The following PAPSS1 variants were observed in gnomAD, a reference collection of about 807,000 sequenced individuals.
The protein encoded by PAPSS1 is bifunctional 3'-phosphoadenosine 5'-phosphosulfate synthase 1.
Under a neutral mutation model 72.0 loss-of-function variants are expected in PAPSS1, and 50 were observed. The observed-to-expected ratio is 0.69, with a 90% CI of 0.55 to 0.88. PAPSS1 has a LOEUF of 0.88. Ranked by LOEUF, PAPSS1 falls within the 40% of genes least tolerant of loss-of-function variation. The pLI, the probability that PAPSS1 is intolerant of heterozygous loss-of-function variation, is 0.00. For synonymous variants in PAPSS1, 261 were observed against 263.6 expected, an observed-to-expected ratio of 0.99 and a Z score of 0.09; for missense variants, 657 against 782.2, an observed-to-expected ratio of 0.84 and a Z score of 1.91.
chr4:107,619,175 A>G (rs1289328820), intron 11 of PAPSS1, among the ~76,000 whole-genome samples: 2 of 152,226 alleles, frequency 1.3e-5, no homozygotes, highest in Non-Finnish European at 2.9e-5. Context: ...AAAAAGCCAG[A>G]CCAATTAAAG....
chr4:107,670,204 T>G (rs993689626), intron 5 of PAPSS1, among the ~76,000 whole-genome samples: 6 of 152,204 alleles, frequency 3.9e-5, no homozygotes, highest in Non-Finnish European at 8.8e-5. Context: ...CAGCAAATGT[T>G]AATTTCTTAT....
chr4:107,626,651 T>A (rs182453020), intron 11 of PAPSS1, among the ~76,000 whole-genome samples: 1 of 152,228 alleles, frequency 6.6e-6, no homozygotes, highest in African/African-American at 2.4e-5. Context: ...TTGTCTTACA[T>A]TGGTATTTAA....
intron 5 of PAPSS1, among the ~76,000 whole-genome samples, chr4:107,672,544 T>C (rs1727514511): frequency 6.6e-6 from 1 of 151,992 alleles, no homozygotes; most frequent in Non-Finnish European, 1.5e-5. Context: ...CTGCCAAGGA[T>C]TGAGTAGGTA....
At chr4:107,654,019 C>A (rs1726929329) in intron 8 of PAPSS1, among the ~76,000 whole-genome samples, 1 of 152,174 alleles carries the variant, frequency 6.6e-6, no homozygotes, top group South Asian at 2.1e-4. Context: ...CAAATTCATG[C>A]CTTCCAATCT....
At chr4:107,670,910 G>C (rs1727451027) in intron 5 of PAPSS1, among the ~76,000 whole-genome samples, 2 of 152,216 alleles carry the variant, frequency 1.3e-5, no homozygotes. Flanking sequence ...CGAAAAAAAG[G>C]AAATGCTTAG....
At chr4:107,658,369 G>C (rs1481075969) in intron 6 of PAPSS1, among the ~76,000 whole-genome samples, 2 of 109,922 alleles carry the variant, frequency 1.8e-5, no homozygotes, top group Non-Finnish European at 3.8e-5. Flanking sequence ...AAAAAAAAAA[G>C]AAAGGAAGAA....
chr4:107,615,211 C>G (rs1560560333), intron 11 of PAPSS1, among the ~76,000 whole-genome samples: 1 of 152,076 alleles, frequency 6.6e-6, no homozygotes, highest in Non-Finnish European at 1.5e-5. Flanking sequence ...AGCCCTCAAA[C>G]CAGTAAGCAC....
At position 107,698,273 on chromosome 4, in the gene PAPSS1, C is replaced by T. The variant is rs1486017884; in HGVS notation, c.175+2898G>A. On this transcript the variant is annotated intron_variant, in intron 2 of 11. Transcript: ENST00000265174. ...AAGCATCTGAATTGCAAGAAAAAAA[C>T]AAATCTTGACTTCCATGTCCAACAT... is the stretch of plus-strand genomic sequence containing the variant. 3.3e-5 allele frequency among the ~76,000 whole-genome samples: 5 copies of T among 152,224 alleles called. No individual in the cohort carries two copies. In the South Asian group the frequency reaches 1.0e-3, roughly 32 times the overall value.
chr4:107,616,894 ATTC>A (rs1725835224), intron 11 of PAPSS1, among the ~76,000 whole-genome samples: 2 of 152,194 alleles, frequency 1.3e-5, no homozygotes, highest in Non-Finnish European at 2.9e-5. Context: ...AATCTGGACT[ATTC>A]ATATTAGAAG....
chr4:107,669,180 T>C (rs2110328601), intron 5 of PAPSS1, among the ~76,000 whole-genome samples: 1 of 152,340 alleles, frequency 6.6e-6, no homozygotes, highest in Non-Finnish European at 1.5e-5. Flanking sequence ...ATATGAAAAG[T>C]ACACATTATA....
At chr4:107,652,727 T>G (rs1242099824) in intron 9 of PAPSS1, among the ~76,000 whole-genome samples, 1 of 152,206 alleles carries the variant, frequency 6.6e-6, no homozygotes, top group Admixed American at 6.5e-5. Context: ...AAGTACACAG[T>G]ATATATTTGG....
At position 107,631,631 on chromosome 4, in the gene PAPSS1, T is replaced by C. The variant is rs776686531; in HGVS notation, c.1736A>G (p.His579Arg). 1.9e-5 allele frequency: 30 copies of C among 1,599,668 alleles called. No individual in the cohort carries two copies. The African/African-American group carries it at 3.8e-4, about 20-fold the overall frequency. ...TTTGTACAGAGAATGTAAGACTTAC[T>C]GTTCAGAGTCATAGTAGTCCATACG... is the stretch of plus-strand genomic sequence containing the variant. Reference protein sequence around the residue: ...KKRMDYYDSEHHEDFEFISGT... With the variant: ...KKRMDYYDSERHEDFEFISGT... The change falls in exon 11 of 12, where the codon CAC (histidine) becomes CGC (arginine). Residue 579 changes from histidine (H) to arginine (R), a missense_variant and splice_region_variant. Physicochemically the swap from His to Arg is conservative, Grantham distance 29 (BLOSUM62 0). Transcript: ENST00000265174.
chr4:107,690,953 T>C (rs1197957942), intron 3 of PAPSS1, among the ~76,000 whole-genome samples: 1 of 152,192 alleles, frequency 6.6e-6, no homozygotes, highest in Non-Finnish European at 1.5e-5. Context: ...GCCAATATCA[T>C]ATTTTTATGA....
chr4:107,692,300 G>GA (rs1163692649), intron 3 of PAPSS1, among the ~76,000 whole-genome samples: 10 of 151,628 alleles, frequency 6.6e-5, no homozygotes, highest in Non-Finnish European at 1.5e-4. Context: ...AAATTTACAA[G>GA]AAAAAAACAT....
At chr4:107,691,656 T>C (rs539953491) in intron 3 of PAPSS1, among the ~76,000 whole-genome samples, 26 of 152,298 alleles carry the variant, frequency 1.7e-4, no homozygotes, top group African/African-American at 6.0e-4. Context: ...GGAGACGCAC[T>C]GTCTGGATGC....
chr4:107,655,942 C>G (rs1376188609), intron 7 of PAPSS1, among the ~76,000 whole-genome samples: 2 of 152,110 alleles, frequency 1.3e-5, no homozygotes, highest in Admixed American at 6.5e-5. Context: ...TCTATTTCAC[C>G]ACCCAGTTAA....
chr4:107,688,143 A>G (rs1722835697), intron 3 of PAPSS1, among the ~76,000 whole-genome samples: 1 of 152,138 alleles, frequency 6.6e-6, no homozygotes, highest in Non-Finnish European at 1.5e-5. Flanking sequence ...GAACTCCTAC[A>G]GGACCTGTTC....
chr4:107,654,861 G>GAA lies in PAPSS1; in HGVS notation c.934_935insTT (p.Ala312ValfsTer18). 1 of 1,613,832 alleles carries GAA rather than the reference G, an allele frequency of 6.2e-7. No individual in the cohort carries two copies. Among genetic ancestry groups the GAA allele is most frequent in the South Asian group, 1.1e-5 (1 of 91,072 alleles). ...CAGCCTCTCTTTATCTTCATGAGTCGCAGTCAGAACTATAGGTACTGACAA... is the reference window on the plus strand; with the variant it reads ...CAGCCTCTCTTTATCTTCATGAGTCGAACAGTCAGAACTATAGGTACTGACAA... On this transcript the variant is annotated frameshift_variant, in exon 8 of 12. Transcript: ENST00000265174. LOFTEE classifies it high-confidence loss of function.
intron 6 of PAPSS1, among the ~76,000 whole-genome samples, chr4:107,657,479 G>T (rs1188371756): frequency 2.0e-5 from 3 of 152,146 alleles, no homozygotes; most frequent in Admixed American, 2.0e-4. Flanking sequence ...GCACTTTGGA[G>T]GCCAAAACAA....
Sources: allele counts gnomAD v4.1 joint callset (sites outside exome capture counted in the v4.1 genomes callset), GRCh38; gene constraint gnomAD v4.1.1; transcripts MANE v1.5; gene names NCBI Gene and HGNC (gene_info 2026-07-23, HGNC 2026-07-21).